ARID5B: variants seen among roughly 807,000 people sequenced by gnomAD.
The protein encoded by ARID5B is AT-rich interactive domain-containing protein 5B.
In ARID5B, 13 loss-of-function variants were observed where a neutral mutation model predicts 97.2. That is an observed-to-expected ratio of 0.13 (90% CI 0.09 to 0.21). The LOEUF (loss-of-function observed/expected upper bound fraction) is 0.21, where lower values mean the gene tolerates loss of function less well. Ranked by LOEUF, ARID5B falls within the 10% of genes least tolerant of loss-of-function variation. ARID5B has a pLI of 1.00. For missense variants in ARID5B, 1,210 were observed against 1,465.3 expected (o/e 0.83, Z 2.84); for synonymous variants, 556 against 570.3 (o/e 0.97, Z 0.36).
chr10:62,026,182 T>C (rs1195278063), intron 4 of ARID5B, among the ~76,000 whole-genome samples: 1 of 152,228 alleles, frequency 6.6e-6, no homozygotes, highest in Non-Finnish European at 1.5e-5. Flanking sequence ...CACAACCATA[T>C]GAAACAACTG....
At position 62,093,224 on chromosome 10, in the gene ARID5B, G is replaced by A. The variant is rs1374036429; in HGVS notation, c.*194G>A. 3 of 757,400 alleles carry A rather than the reference G, an allele frequency of 4.0e-6. No individual in the cohort carries two copies. Among genetic ancestry groups the A allele is most frequent in the Non-Finnish European group, 6.0e-6 (3 of 497,094 alleles). The allele number at this position is 757,400 out of a possible 1,614,324, so 46.9% of individuals were successfully genotyped here. A position where few individuals can be genotyped will look rare whatever the true frequency, so the allele number is the denominator to read the frequency against. Reference sequence around the variant, plus strand: ...GACAACTCTAGCCCACAAACTGACTGGCTGGTGAGTCTTGACTCCCTTCCA... The same window carrying A: ...GACAACTCTAGCCCACAAACTGACTAGCTGGTGAGTCTTGACTCCCTTCCA... On this transcript the variant is annotated 3_prime_UTR_variant, in exon 10 of 10. Coordinates refer to ENST00000279873, the MANE Select transcript of ARID5B (RefSeq NM_032199.3).
In ARID5B at chr10:62,096,346, T is replaced by C. The variant is rs1353962129; in HGVS notation, c.*3316T>C. ...CTTCAAAGAGAACCATTTATTTCTC[T>C]TCACTTATCGTCCCACAAAGTCACA... On this transcript the variant is annotated 3_prime_UTR_variant, in exon 10 of 10. Coordinates refer to ENST00000279873, the MANE Select transcript of ARID5B (RefSeq NM_032199.3). 11 of 233,598 alleles carry C rather than the reference T, an allele frequency of 4.7e-5. No homozygotes were observed. The highest frequency in any genetic ancestry group is 8.5e-5 in the Non-Finnish European group (10 of 118,048). The allele number at this position is 233,598 out of a possible 1,614,324, so 14.5% of individuals were successfully genotyped here. A position where few individuals can be genotyped will look rare whatever the true frequency, so the allele number is the denominator to read the frequency against.
At chr10:61,989,716 C>T (rs535621092) in intron 3 of ARID5B, among the ~76,000 whole-genome samples, 1 of 152,210 alleles carries the variant, frequency 6.6e-6, no homozygotes, top group African/African-American at 2.4e-5. Context: ...AATGGATCAG[C>T]ATCGTTAACC....
intron 8 of ARID5B, among the ~76,000 whole-genome samples, chr10:62,082,951 G>T (rs1235861434): frequency 6.6e-6 from 1 of 151,932 alleles, no homozygotes; most frequent in East Asian, 1.9e-4. Context: ...TTTAGCTTCT[G>T]CCTTGCTTGT....
At chr10:62,006,552 T>A (rs1225914151) in intron 4 of ARID5B, among the ~76,000 whole-genome samples, 1 of 152,156 alleles carries the variant, frequency 6.6e-6, no homozygotes, top group Admixed American at 6.5e-5. Flanking sequence ...AACCTTAAGG[T>A]CATCATATGG....
intron 8 of ARID5B, 63 bp downstream of exon 8, chr10:62,069,860 C>A: frequency 2.6e-6 from 4 of 1,526,530 alleles, no homozygotes; most frequent in South Asian, 2.3e-5. Flanking sequence ...AGCTTCTGGT[C>A]AAGGATAAGA....
At chr10:62,053,277 T>G (rs1839814734) in intron 5 of ARID5B, among the ~76,000 whole-genome samples, 2 of 152,190 alleles carry the variant, frequency 1.3e-5, no homozygotes, top group South Asian at 4.1e-4. Context: ...CATTTCTAAC[T>G]AAGCACCAAC....
intron 4 of ARID5B, among the ~76,000 whole-genome samples, chr10:62,029,259 G>A (rs4948293): frequency 0.17 from 26,264 of 152,068 alleles, 2,563 homozygotes; most frequent in Middle Eastern, 0.26. Context: ...TCCAGTTCCG[G>A]GTATGCCATG....
intron 2 of ARID5B, among the ~76,000 whole-genome samples, chr10:61,915,812 A>T (rs547483800): frequency 1.9e-3 from 286 of 152,236 alleles, no homozygotes; most frequent in African/African-American, 6.6e-3. Flanking sequence ...CTAGAGTGCA[A>T]TGGCACGATC....
rs1015650159 is a variant in ARID5B, at chr10:61,975,472, G to C, written c.503-24619G>C. 2.0e-5 allele frequency among the ~76,000 whole-genome samples: 3 copies of C among 152,114 alleles called. No individual in the cohort carries two copies. In the East Asian group the frequency reaches 5.8e-4, roughly 29 times the overall value. The stretch of plus-strand genomic sequence containing the variant: ...GACAGAGGAGAAAGACTTGGAGTTA[G>C]AAAGCCTGAGGCCAGATGTCTTTTT... On this transcript the variant is annotated intron_variant, in intron 3 of 9. Coordinates refer to ENST00000279873, the MANE Select transcript of ARID5B (RefSeq NM_032199.3).
chr10:61,950,141 G>A (rs1290782846), intron 3 of ARID5B, among the ~76,000 whole-genome samples: 1 of 152,098 alleles, frequency 6.6e-6, no homozygotes, highest in African/African-American at 2.4e-5. Context: ...CCAAGTAGCT[G>A]GGATTACAGA....
At chr10:61,935,620 G>A (rs1297495798) in intron 2 of ARID5B, among the ~76,000 whole-genome samples, 2 of 151,930 alleles carry the variant, frequency 1.3e-5, no homozygotes, top group Non-Finnish European at 2.9e-5. Context: ...GAGGGTGAGG[G>A]ACTAGTCTGT....
rs201612502 is a variant in ARID5B at position 61,977,899 on chromosome 10, A to G, written c.503-22192A>G. On this transcript the variant is annotated intron_variant, in intron 3 of 9. Transcript: ENST00000279873. ...TTTGTCAATTTAGGCTTTTGTTGCC[A>G]TTGCTTTTGGTGTTTTAGACATGAA... 1.4e-4 allele frequency among the ~76,000 whole-genome samples: 21 copies of G among 152,244 alleles called. No homozygotes were observed. In the East Asian group the frequency reaches 4.0e-3, roughly 29 times the overall value.
chr10:62,063,772 C>T (rs981135733), intron 7 of ARID5B, among the ~76,000 whole-genome samples: 2 of 152,206 alleles, frequency 1.3e-5, no homozygotes, highest in Non-Finnish European at 2.9e-5. Flanking sequence ...ATGTGGATCA[C>T]CTACATTTGA....
At chr10:61,922,047 A>G (rs902601805) in intron 2 of ARID5B, among the ~76,000 whole-genome samples, 2 of 151,896 alleles carry the variant, frequency 1.3e-5, no homozygotes, top group African/African-American at 4.8e-5. Flanking sequence ...CCTCCCAAAT[A>G]TCTCCCCGCT....
chr10:61,964,060 A>G (rs1248745597), intron 3 of ARID5B, among the ~76,000 whole-genome samples: 3 of 152,192 alleles, frequency 2.0e-5, no homozygotes, highest in African/African-American at 7.2e-5. Flanking sequence ...ATAGAGATCA[A>G]CTTGCTGGAT....
chr10:61,904,810 A>G lies in ARID5B; in HGVS notation c.276+2397A>G, dbSNP rs184109593. Among the ~76,000 whole-genome samples the G allele has an allele frequency of 7.1e-3, 1,077 of 152,378 alleles. 29 individuals are homozygous for G. The highest frequency in any genetic ancestry group is 4.3e-3 in the Non-Finnish European group (295 of 68,036). On this transcript the variant is annotated intron_variant, in intron 2 of 9. Transcript: ENST00000279873. ...ACACGCCTCAAAATTATGCAAATGC[A>G]GACTGCATTGTGCAAAATAATTATG...
chr10:62,010,670 T>C (rs1256248251), intron 4 of ARID5B, among the ~76,000 whole-genome samples: 2 of 152,224 alleles, frequency 1.3e-5, no homozygotes, highest in Admixed American at 1.3e-4. Flanking sequence ...ATCTGGTCAG[T>C]GTCTTTAGCT....
intron 9 of ARID5B, among the ~76,000 whole-genome samples, chr10:62,087,481 G>T (rs901484197): frequency 1.8e-4 from 27 of 151,036 alleles, no homozygotes; most frequent in Non-Finnish European, 7.4e-5. Flanking sequence ...AGTCATGTAG[G>T]CTGATCTGGG....
Sources: gnomAD v4.1 joint callset for allele counts (sites outside exome capture counted in the v4.1 genomes callset) on GRCh38, gnomAD v4.1.1 for gene constraint, MANE v1.5 for transcripts, NCBI Gene and HGNC (gene_info 2026-07-23, HGNC 2026-07-21) for gene names.